LINGO2: variants seen among roughly 807,000 people sequenced by gnomAD.
LINGO2 encodes leucine-rich repeat and immunoglobulin-like domain-containing nogo receptor-interacting protein 2.
In LINGO2, 14 loss-of-function variants were observed where a neutral mutation model predicts 30.6. The ratio of observed to expected loss-of-function variants is 0.46; its 90% CI spans 0.30 to 0.72. LINGO2 has a LOEUF of 0.72. Among genes scored for constraint, LINGO2 ranks in the 30% least tolerant of loss-of-function variants. The pLI, the probability that LINGO2 is intolerant of heterozygous loss-of-function variation, is 0.07. For synonymous variants in LINGO2, 317 were observed against 288.5 expected (o/e 1.10, Z -1.00); for missense variants, 729 against 751.7 (o/e 0.97, Z 0.35).
At chr9:28,019,412 A>C (rs1253098037) in intron 4 of LINGO2, among the ~76,000 whole-genome samples, 1 of 152,090 alleles carries the variant, frequency 6.6e-6, no homozygotes, top group Non-Finnish European at 1.5e-5. Context: ...CCATGGAAAG[A>C]AACAAAGGAA....
chr9:27,988,389 G>A (rs966362289), intron 5 of LINGO2, among the ~76,000 whole-genome samples: 2 of 151,958 alleles, frequency 1.3e-5, no homozygotes, highest in Non-Finnish European at 2.9e-5. Flanking sequence ...TGGGTCCAAT[G>A]GTATTTCTAG....
intron 1 of LINGO2, among the ~76,000 whole-genome samples, chr9:28,623,784 G>C (rs1308931434): frequency 1.9e-4 from 29 of 151,922 alleles, no homozygotes. Flanking sequence ...ATTGCTTTGA[G>C]AAATATGGAC....
intron 2 of LINGO2, among the ~76,000 whole-genome samples, chr9:28,386,719 A>G (rs10968547): frequency 0.69 from 104,570 of 152,038 alleles, 37,016 homozygotes; most frequent in Middle Eastern, 0.77. Flanking sequence ...AAAATAAACT[A>G]TTCTAGATAG....
At chr9:28,525,050 T>C (rs1005318429) in intron 1 of LINGO2, among the ~76,000 whole-genome samples, 8 of 151,886 alleles carry the variant, frequency 5.3e-5, no homozygotes, top group African/African-American at 9.7e-5. Flanking sequence ...TAGCTAAAGA[T>C]ACAAATAGGT....
chr9:29,103,462 C>T, the LINGO2 span, among the ~76,000 whole-genome samples: 1 of 151,980 alleles, frequency 6.6e-6, no homozygotes, highest in Non-Finnish European at 1.5e-5. Flanking sequence ...TAACCTATAG[C>T]AACATAATAA....
At chr9:28,837,648 A>AT in the LINGO2 span, among the ~76,000 whole-genome samples, 1 of 80,202 alleles carries the variant, frequency 1.2e-5, no homozygotes, top group South Asian at 5.3e-4. Context: ...ACTCCGTCTA[A>AT]AATATATATA....
intron 1 of LINGO2, among the ~76,000 whole-genome samples, chr9:28,533,394 C>T (rs1252963171): frequency 6.6e-6 from 1 of 152,056 alleles, no homozygotes; most frequent in African/African-American, 2.4e-5. Flanking sequence ...TGGGACTTCA[C>T]CTTGTGATCC....
chr9:28,334,734 T>C (rs752107301), intron 3 of LINGO2, among the ~76,000 whole-genome samples: 5 of 152,152 alleles, frequency 3.3e-5, no homozygotes, highest in African/African-American at 1.2e-4. Flanking sequence ...GGAGCTGTCC[T>C]GTCCTACTCA....
At chr9:28,531,524 A>G (rs1821238124) in intron 1 of LINGO2, among the ~76,000 whole-genome samples, 1 of 152,150 alleles carries the variant, frequency 6.6e-6, no homozygotes, top group South Asian at 2.1e-4. Context: ...TGTGTACTCT[A>G]CTAGAATTTT....
chr9:28,059,067 G>A (rs932551017), intron 4 of LINGO2, among the ~76,000 whole-genome samples: 11 of 152,070 alleles, frequency 7.2e-5, no homozygotes, highest in Admixed American at 2.0e-4. Context: ...TAGGCTGTTG[G>A]GAAAAAGCTG....
Position 28,490,700 on chromosome 9 carries a change from T to C in LINGO2, c.-364-14675A>G, listed in dbSNP as rs148460705. On this transcript the variant is annotated intron_variant, in intron 1 of 5. Coordinates refer to ENST00000379992, the Ensembl canonical transcript of LINGO2. Reference sequence around the variant, plus strand: ...AAACCTATATCTTAAATATCAACATTTTAATGGTTTTTGCAAGGGTAGAGA... The same window carrying C: ...AAACCTATATCTTAAATATCAACATCTTAATGGTTTTTGCAAGGGTAGAGA... Among the ~76,000 whole-genome samples, 1,215 of 152,280 alleles carry C rather than the reference T, an allele frequency of 8.0e-3. 14 individuals are homozygous for C. Among genetic ancestry groups the C allele is most frequent in the African/African-American group, 0.027 (1,129 of 41,554 alleles).
At chr9:28,415,070 T>TA (rs1449346595) in intron 2 of LINGO2, among the ~76,000 whole-genome samples, 1 of 151,864 alleles carries the variant, frequency 6.6e-6, no homozygotes, top group Non-Finnish European at 1.5e-5. Context: ...AGAACACATA[T>TA]AAAAAAAGAG....
chr9:28,361,342 G>C (rs998346227), intron 3 of LINGO2, among the ~76,000 whole-genome samples: 2 of 152,058 alleles, frequency 1.3e-5, no homozygotes, highest in Non-Finnish European at 2.9e-5. Flanking sequence ...TGTATGTATA[G>C]GGAAAAACAT....
At chr9:28,626,418 T>A (rs969140387) in intron 1 of LINGO2, among the ~76,000 whole-genome samples, 10 of 152,102 alleles carry the variant, frequency 6.6e-5, no homozygotes, top group African/African-American at 1.9e-4. Context: ...GTCCAATGTG[T>A]CAATATGTTT....
chr9:29,037,878 G>C, the LINGO2 span, among the ~76,000 whole-genome samples: 1 of 151,878 alleles, frequency 6.6e-6, no homozygotes, highest in African/African-American at 2.4e-5. Context: ...AAAGCACATA[G>C]TGCATGGAAA....
chr9:28,817,853 T>C, the LINGO2 span, among the ~76,000 whole-genome samples: 2 of 152,208 alleles, frequency 1.3e-5, no homozygotes, highest in Non-Finnish European at 2.9e-5. Context: ...TCTGTTTTTT[T>C]GGTTTGCCAT....
At chr9:29,208,996 T>G in the LINGO2 span, among the ~76,000 whole-genome samples, 4 of 152,154 alleles carry the variant, frequency 2.6e-5, no homozygotes, top group Admixed American at 2.6e-4. Context: ...AAAAGTAACT[T>G]TTATGAAGGT....
chr9:29,085,238 C>A, the LINGO2 span, among the ~76,000 whole-genome samples: 2 of 125,670 alleles, frequency 1.6e-5, no homozygotes, highest in African/African-American at 5.9e-5. Context: ...AAGTCCCTAT[C>A]TTATCTAACT....
intron 5 of LINGO2, among the ~76,000 whole-genome samples, chr9:28,001,092 C>T (rs1368684124): frequency 6.6e-6 from 1 of 152,198 alleles, no homozygotes; most frequent in East Asian, 1.9e-4. Context: ...TGTTTTCACA[C>T]ATTTTTAAAG....
Sources: gnomAD v4.1 joint callset for allele counts (sites outside exome capture counted in the v4.1 genomes callset) on GRCh38, gnomAD v4.1.1 for gene constraint, MANE v1.5 for transcripts, NCBI Gene and HGNC (gene_info 2026-07-23, HGNC 2026-07-21) for gene names.